CDH8: variants seen among roughly 807,000 people sequenced by gnomAD.
The protein encoded by CDH8 is cadherin 8, also known as cadherin-8.
Under a neutral mutation model 68.1 loss-of-function variants are expected in CDH8, and 17 were observed. The ratio of observed to expected loss-of-function variants is 0.25; its 90% confidence interval spans 0.17 to 0.37. CDH8 has a LOEUF of 0.37. CDH8 is among the 10% of genes least tolerant of loss of function. CDH8 has a pLI of 1.00. For synonymous variants in CDH8, 372 were observed against 365.1 expected, an observed-to-expected ratio of 1.02 and a Z score of -0.21; for missense variants, 763 against 999.3, an observed-to-expected ratio of 0.76 and a Z score of 3.19.
intron 2 of CDH8, among the ~76,000 whole-genome samples, chr16:61,991,356 C>T (rs954384812): frequency 3.3e-5 from 5 of 152,116 alleles, no homozygotes; most frequent in African/African-American, 1.2e-4. Flanking sequence ...TCTCATTTCC[C>T]CATAGAAACC....
chr16:61,736,235 G>C (rs1023511365), intron 8 of CDH8, among the ~76,000 whole-genome samples: 1 of 152,148 alleles, frequency 6.6e-6, no homozygotes, highest in Non-Finnish European at 1.5e-5. Flanking sequence ...CAGAGACCAT[G>C]CCATCACCAA....
Position 61,991,335 on chromosome 16 carries a change from T to C in CDH8, c.252+29817A>G, listed in dbSNP as rs574089292. Among the ~76,000 whole-genome samples the C allele has an allele frequency of 1.4e-4, 22 of 152,316 alleles. No homozygotes were observed. The Middle Eastern group carries it at 0.017, about 118-fold the overall frequency. On this transcript the variant is annotated intron_variant, in intron 2 of 11. Transcript: ENST00000577390. ...TCTGTACTACAGATTTTCCTTTTTGTGAACTTCTGCTCTCATTTCCCCATA... is the reference window on the plus strand; with the variant it reads ...TCTGTACTACAGATTTTCCTTTTTGCGAACTTCTGCTCTCATTTCCCCATA...
chr16:61,940,847 C>G (rs545566463), intron 2 of CDH8: 2 of 152,242 alleles, frequency 1.3e-5, no homozygotes, highest in African/African-American at 4.8e-5. Context: ...GAGATGCCTC[C>G]TTCTCTTTGT....
intron 2 of CDH8, among the ~76,000 whole-genome samples, chr16:62,004,736 G>T (rs930698664): frequency 6.6e-6 from 1 of 152,294 alleles, no homozygotes; most frequent in East Asian, 1.9e-4. Flanking sequence ...ATAGTAAATT[G>T]TAAAATAGAA....
intron 2 of CDH8, among the ~76,000 whole-genome samples, chr16:62,002,976 C>CT (rs1172904072): frequency 1.3e-5 from 2 of 152,022 alleles, no homozygotes; most frequent in Non-Finnish European, 2.9e-5. Flanking sequence ...TGGCGTGAAC[C>CT]GGAAGGCGGA....
At chr16:61,729,455 GTTTCAGAA>G (rs1328636292) in intron 8 of CDH8, among the ~76,000 whole-genome samples, 1 of 151,150 alleles carries the variant, frequency 6.6e-6, no homozygotes, top group East Asian at 1.9e-4. Context: ...ATCATGAAGA[GTTTCAGAA>G]TTGCACTCGT....
At chr16:61,789,567 G>T in intron 7 of CDH8, 85 bp from the exon 8 acceptor site, 2 of 1,257,018 alleles carry the variant, frequency 1.6e-6, no homozygotes, top group Non-Finnish European at 2.1e-6. Flanking sequence ...TCCTTGGAGA[G>T]CCATATTTGT....
At position 61,793,087 on chromosome 16, in the gene CDH8, A is replaced by G. The variant is rs533787476; in HGVS notation, c.1278-3605T>C. Among the ~76,000 whole-genome samples the G allele has an allele frequency of 1.7e-3, 254 of 152,012 alleles. 2 individuals are homozygous for G. Among genetic ancestry groups the G allele is most frequent in the African/African-American group, 5.1e-3 (211 of 41,512 alleles). On this transcript the variant is annotated intron_variant, in intron 7 of 11. Transcript: ENST00000577390. ...CAAATGAAATTAGTTCCCTTATAAA[A>G]AAGACCCCAGGGATCTAGCAAGCCC...
chr16:61,699,035 CT>C (rs1964375986), intron 10 of CDH8, among the ~76,000 whole-genome samples: 1 of 152,164 alleles, frequency 6.6e-6, no homozygotes, highest in Non-Finnish European at 1.5e-5. Flanking sequence ...TTTTAGATAG[CT>C]AGTTTAACCC....
At chr16:61,850,973 C>T (rs1041793407) in intron 4 of CDH8, among the ~76,000 whole-genome samples, 1 of 151,964 alleles carries the variant, frequency 6.6e-6, no homozygotes, top group Non-Finnish European at 1.5e-5. Context: ...AAGACATTCC[C>T]ACCTATAAAT....
chr16:62,021,127 T>C (rs562381233), intron 2 of CDH8, 25 bp downstream of exon 2: 24 of 1,605,396 alleles, frequency 1.5e-5, no homozygotes, highest in Non-Finnish European at 1.9e-5. Context: ...GACCCTGAAA[T>C]TGAGATCTTA....
rs35622399 is a variant in CDH8, at chr16:61,729,995, G to GCACACACACACA, written c.1415-2792_1415-2781dup. Among the ~76,000 whole-genome samples, 309 of 148,940 alleles carry GCACACACACACA rather than the reference G, an allele frequency of 2.1e-3. 1 individual carries two copies. Among genetic ancestry groups the GCACACACACACA allele is most frequent in the Non-Finnish European group, 3.0e-3 (201 of 66,506 alleles). ...TTTAATATTACATGCACGTGTGCATGCACACACACACACACACTCATATCT... is the reference window on the plus strand; with the variant it reads ...TTTAATATTACATGCACGTGTGCATGCACACACACACACACACACACACACACACTCATATCT... On this transcript the variant is annotated intron_variant, in intron 8 of 11. Transcript: ENST00000577390.
At chr16:61,680,116 C>G (rs1280708465) in intron 10 of CDH8, among the ~76,000 whole-genome samples, 1 of 151,926 alleles carries the variant, frequency 6.6e-6, no homozygotes, top group East Asian at 1.9e-4. Flanking sequence ...CTGCGTCATT[C>G]TTGCCAACCC....
Position 61,874,878 on chromosome 16 carries a change from A to T in CDH8, c.548-17640T>A, listed in dbSNP as rs532375858. 2.6e-5 allele frequency among the ~76,000 whole-genome samples: 4 copies of T among 152,302 alleles called. No homozygotes were observed. In the South Asian group the frequency reaches 8.3e-4, roughly 32 times the overall value. On this transcript the variant is annotated intron_variant, in intron 3 of 11. Coordinates refer to ENST00000577390, the MANE Select transcript of CDH8 (RefSeq NM_001796.5). ...CAACCTAATAGATACAGAGAGGTTCAACAAAAGGAATCTTTCCTAAGACCC... is the reference window on the plus strand; with the variant it reads ...CAACCTAATAGATACAGAGAGGTTCTACAAAAGGAATCTTTCCTAAGACCC...
chr16:61,911,478 CT>C (rs1304965283), intron 2 of CDH8, among the ~76,000 whole-genome samples: 1 of 152,104 alleles, frequency 6.6e-6, no homozygotes, highest in Non-Finnish European at 1.5e-5. Context: ...ACAAGTTATT[CT>C]TTCCCAGGGT....
chr16:61,866,519 A>G (rs1437183840), intron 3 of CDH8, among the ~76,000 whole-genome samples: 6 of 152,138 alleles, frequency 3.9e-5, no homozygotes, highest in Non-Finnish European at 8.8e-5. Flanking sequence ...TGTATACACT[A>G]TATACATACT....
At position 61,649,252 on chromosome 16, in the gene CDH8, C is replaced by T. The variant is rs1357525158; in HGVS notation, c.*4356G>A. 6.6e-6 allele frequency: 1 copy of T among 151,790 alleles called. No homozygotes were observed. The highest frequency in any genetic ancestry group is 1.5e-5 in the Non-Finnish European group (1 of 67,926). 9.4% of individuals were successfully genotyped at this position (151,790 alleles called of 1,614,324 possible). On this transcript the variant is annotated 3_prime_UTR_variant, in exon 12 of 12. Coordinates refer to ENST00000577390, the MANE Select transcript of CDH8 (RefSeq NM_001796.5). Reference sequence around the variant, plus strand: ...TATTCTGTTCACAAATAAAAAGCTGCTTTTAAAACCCTTTACCCTCAATTC... The same window carrying T: ...TATTCTGTTCACAAATAAAAAGCTGTTTTTAAAACCCTTTACCCTCAATTC...
Position 61,889,747 on chromosome 16 carries a change from G to T in CDH8, c.547+11432C>A, listed in dbSNP as rs374106426. Among the ~76,000 whole-genome samples the T allele has an allele frequency of 5.3e-5, 8 of 152,238 alleles. No homozygotes were observed. In the East Asian group the frequency reaches 1.4e-3, roughly 26 times the overall value. On this transcript the variant is annotated intron_variant, in intron 3 of 11. Transcript: ENST00000577390. ...TTACAGAACTCTAGACACACATGTG[G>T]CTTGAATAAACAGGAAGATTTGCCT...
intron 8 of CDH8, among the ~76,000 whole-genome samples, chr16:61,788,896 A>C (rs1166732517): frequency 6.6e-6 from 1 of 152,010 alleles, no homozygotes; most frequent in African/African-American, 2.4e-5. Context: ...ACCCAAAATA[A>C]TACATATTGA....
Sources: allele counts gnomAD v4.1 joint callset (sites outside exome capture counted in the v4.1 genomes callset), GRCh38; gene constraint gnomAD v4.1.1; transcripts MANE v1.5; gene names NCBI Gene and HGNC (gene_info 2026-07-23, HGNC 2026-07-21).